The following FZD6 variants were observed in gnomAD, a reference collection of about 807,000 sequenced individuals.
FZD6 encodes frizzled-6.
FZD6 carries 49 observed loss-of-function variants against 61.4 expected under a neutral mutation model. The observed-to-expected ratio is 0.80, with a 90% confidence interval of 0.63 to 1.01. The LOEUF (loss-of-function observed/expected upper bound fraction) is 1.01, where lower values mean the gene tolerates loss of function less well. Ranked by LOEUF, FZD6 falls within the 50% of genes least tolerant of loss-of-function variation. The pLI is 0.00. For missense variants in FZD6, 724 were observed against 848.2 expected, an observed-to-expected ratio of 0.85 and a Z score of 1.82; for synonymous variants, 265 against 292.2, an observed-to-expected ratio of 0.91 and a Z score of 0.95.
rs753526077 is a variant in FZD6 at position 103,329,686 on chromosome 8, G to C, written c.1573G>C (p.Glu525Gln). The change falls in exon 6 of 7, where the codon GAA becomes CAA. Residue 525 changes from glutamate (E) to glutamine (Q), a missense_variant. Transcript: ENST00000358755. Reference sequence around the variant, plus strand: ...CAGTGAAAGTCGAAGAGTACTACAGGAATCATGTGAGTTTTTCTTAAAGCA... The same window carrying C: ...CAGTGAAAGTCGAAGAGTACTACAGCAATCATGTGAGTTTTTCTTAAAGCA... The part of the protein sequence containing the change: ...PISESRRVLQ[E>Q]SCEFFLKHNS... 6.2e-7 allele frequency: 1 copy of C among 1,611,542 alleles called. No homozygotes were observed. Among genetic ancestry groups the C allele is most frequent in the South Asian group, 1.1e-5 (1 of 90,886 alleles).
At position 103,325,241 on chromosome 8, in the gene FZD6, G is replaced by A. The variant is rs1283232121; in HGVS notation, c.1135G>A (p.Val379Met). ...TGTACTCTTGCCACTGTGCCTTTGT[G>A]TGTTTGTTGGGCTCTCTCTTCTTTT... is the stretch of plus-strand genomic sequence containing the variant. ...YFVLLPLCLC[V>M]FVGLSLLLAG... Residue 379 changes from valine to methionine, a missense_variant, in exon 4 of 7, where the codon GTG (valine) becomes ATG (methionine). By Grantham distance (21) the Val-to-Met change is conservative. Coordinates refer to ENST00000358755, the MANE Select transcript of FZD6 (RefSeq NM_003506.4). 6.2e-7 allele frequency: 1 copy of A among 1,614,156 alleles called. No homozygotes were observed. The highest frequency in any genetic ancestry group is 1.7e-5 in the Admixed American group (1 of 60,006).
intron 2 of FZD6, among the ~76,000 whole-genome samples, chr8:103,301,487 T>G (rs1814170324): frequency 2.0e-5 from 3 of 152,286 alleles, no homozygotes; most frequent in African/African-American, 7.2e-5. Context: ...TGATAATATG[T>G]TTTGTAGTGT....
chr8:103,306,494 C>CTTTTTTT (rs71292793), intron 2 of FZD6, among the ~76,000 whole-genome samples: 2 of 65,200 alleles, frequency 3.1e-5, no homozygotes, highest in Non-Finnish European at 5.4e-5. Flanking sequence ...AGGTTCATCA[C>CTTTTTTT]TTTTTTTTTT....
At chr8:103,317,692 G>T (rs1027831280) in intron 2 of FZD6, among the ~76,000 whole-genome samples, 4 of 152,070 alleles carry the variant, frequency 2.6e-5, no homozygotes, top group African/African-American at 9.7e-5. Flanking sequence ...CGGGCGTAGT[G>T]GCATGCGCCT....
rs1323662604 is a variant in FZD6, at chr8:103,332,010, G to GAATT, written c.*502_*505dup. 4 of 154,044 alleles carry GAATT rather than the reference G, an allele frequency of 2.6e-5. No individual in the cohort carries two copies. Among genetic ancestry groups the GAATT allele is most frequent in the African/African-American group, 9.7e-5 (4 of 41,394 alleles). The allele number at this position is 154,044 out of a possible 1,614,324, so 9.5% of individuals were successfully genotyped here. A position where few individuals can be genotyped will look rare whatever the true frequency, so the allele number is the denominator to read the frequency against. ...TTAGCACTTTGGTAGCTTTTACACT[G>GAATT]AATTTCTAAGAAAATTGTAAAATAG... On this transcript the variant is annotated 3_prime_UTR_variant, in exon 7 of 7. Coordinates refer to ENST00000358755, the MANE Select transcript of FZD6 (RefSeq NM_003506.4).
At chr8:103,328,993 ATGAG>A (rs1342460591) in intron 5 of FZD6, among the ~76,000 whole-genome samples, 1 of 129,426 alleles carries the variant, frequency 7.7e-6, no homozygotes, top group African/African-American at 3.1e-5. Flanking sequence ...ATTTATATTT[ATGAG>A]TAATTCATTT....
chr8:103,329,774 T>C lies in FZD6; in HGVS notation c.1661T>C (p.Ile554Thr), dbSNP rs1325234560. Residue 554 changes from isoleucine to threonine, a missense_variant, in exon 6 of 7, where the codon ATT becomes ACT. Transcript: ENST00000358755. ...YKPSSHKLKV[I>T]SKSMGTSTGA... is the part of the protein sequence containing the mutation. ...CCAAGTTCACACAAGCTGAAGGTCA[T>C]TTCCAAATCCATGGGAACCAGCACA... The C allele has an allele frequency of 1.9e-6, 3 of 1,614,154 alleles. No homozygotes were observed. Among genetic ancestry groups the C allele is most frequent in the East Asian group, 2.2e-5 (1 of 44,886 alleles).
At chr8:103,330,148 A>C (rs1815081960) in intron 6 of FZD6, 83 bp downstream of exon 6, 3 of 1,274,772 alleles carry the variant, frequency 2.4e-6, no homozygotes, top group Non-Finnish European at 3.4e-6. Context: ...ACATTTGGAA[A>C]GCATTTTGTG....
intron 2 of FZD6, among the ~76,000 whole-genome samples, chr8:103,306,185 GAAATAGTTTAA>G (rs1814324933): frequency 6.6e-6 from 1 of 152,138 alleles, no homozygotes; most frequent in Admixed American, 6.5e-5. Context: ...TCCCTCACAA[GAAATAGTTTAA>G]AAATAACAAG....
At chr8:103,326,398 G>C (rs1228165148) in intron 4 of FZD6, among the ~76,000 whole-genome samples, 1 of 151,924 alleles carries the variant, frequency 6.6e-6, no homozygotes, top group Non-Finnish European at 1.5e-5. Flanking sequence ...CTTAATAAGA[G>C]GCTGTGTCTT....
intron 2 of FZD6, among the ~76,000 whole-genome samples, chr8:103,307,483 A>G (rs1814371757): frequency 6.6e-6 from 1 of 152,202 alleles, no homozygotes. Flanking sequence ...TTTATATTCT[A>G]GTGGAGGGAA....
chr8:103,324,369 C>T (rs1427306874), intron 3 of FZD6, 112 bp from the exon 4 acceptor site: 3 of 643,058 alleles, frequency 4.7e-6, no homozygotes, highest in Admixed American at 3.0e-5. Context: ...TGTATCTCTT[C>T]CCATCAATCA....
Position 103,324,961 on chromosome 8 carries a change from G to C in FZD6, c.855G>C (p.Leu285Phe). The change falls in exon 4 of 7, where the codon TTG (leucine) becomes TTC (phenylalanine). Residue 285 changes from leucine to phenylalanine, a missense_variant. Physicochemically the swap from Leu to Phe is conservative, Grantham distance 22. Coordinates refer to ENST00000358755, the MANE Select transcript of FZD6 (RefSeq NM_003506.4). Reference protein sequence around the residue: ...LGSQNKACTVLFMLLYFFTMA... With the variant: ...LGSQNKACTVFFMLLYFFTMA... The stretch of plus-strand genomic sequence containing the variant: ...CTCAAAATAAGGCTTGCACCGTTTT[G>C]TTCATGCTTTTGTATTTTTTCACAA... 1 of 1,614,110 alleles carries C rather than the reference G, an allele frequency of 6.2e-7. No homozygotes were observed. The highest frequency in any genetic ancestry group is 8.5e-7 in the Non-Finnish European group (1 of 1,180,006).
rs1815066773 is a variant in FZD6, at chr8:103,329,766, G to A, written c.1653G>A (p.Leu551=). 3.7e-6 allele frequency: 6 copies of A among 1,613,944 alleles called. No individual in the cohort carries two copies. The highest frequency in any genetic ancestry group is 5.1e-6 in the Non-Finnish European group (6 of 1,179,932). Residue 551 remains leucine, a synonymous_variant, in exon 6 of 7, where the codon CTG becomes CTA. Coordinates refer to ENST00000358755, the MANE Select transcript of FZD6 (RefSeq NM_003506.4). ...KKHYKPSSHK[L]KVISKSMGTS... ...ACTATAAACCAAGTTCACACAAGCT[G>A]AAGGTCATTTCCAAATCCATGGGAA...
intron 2 of FZD6, among the ~76,000 whole-genome samples, chr8:103,315,698 T>C (rs1276696470): frequency 6.6e-6 from 1 of 152,200 alleles, no homozygotes; most frequent in African/African-American, 2.4e-5. Flanking sequence ...TTACCTTGAT[T>C]GTGATAATCA....
In FZD6 at chr8:103,324,508, T is replaced by C; in HGVS notation, c.402T>C (p.Pro134=). The C allele has an allele frequency of 6.2e-7, 1 of 1,601,894 alleles. No homozygotes were observed. Residue 134 remains proline, a synonymous_variant, in exon 4 of 7, where the codon CCT becomes CCC. Transcript: ENST00000358755. The part of the protein sequence containing the change: ...DRLQYCDETV[P]VTFDPHTEFL... ...TACAATACTGTGATGAGACTGTTCC[T>C]GTAACTTTTGATCCACACACAGAAT...
rs1298616697 is a variant in FZD6 at position 103,300,270 on chromosome 8, G to A, written c.163G>A (p.Ala55Thr). The A allele has an allele frequency of 3.1e-6, 5 of 1,609,924 alleles. No homozygotes were observed. The highest frequency in any genetic ancestry group is 4.3e-6 in the Non-Finnish European group (5 of 1,176,358). Residue 55 changes from alanine (A) to threonine (T), a missense_variant, in exon 2 of 7, where the codon GCG becomes ACG. Transcript: ENST00000358755. The stretch of plus-strand genomic sequence containing the variant: ...GGGTCATTATGACCAGAGTATTGCC[G>A]CGGTGGAAATGGAGGTGAGTAGTGC... ...LMGHYDQSIA[A>T]VEMEHFLPLA...
intron 2 of FZD6, among the ~76,000 whole-genome samples, chr8:103,305,160 C>T (rs1029778828): frequency 6.6e-6 from 1 of 152,152 alleles, no homozygotes; most frequent in Non-Finnish European, 1.5e-5. Context: ...TGATTTCATC[C>T]AGAAAGAGCT....
In FZD6 at chr8:103,318,692, C is replaced by T. The variant is rs750564903; in HGVS notation, c.280C>T (p.Pro94Ser). 6.2e-7 allele frequency: 1 copy of T among 1,607,520 alleles called. No homozygotes were observed. Among genetic ancestry groups the T allele is most frequent in the Admixed American group, 1.7e-5 (1 of 59,968 alleles). The change falls in exon 3 of 7, where the codon CCT (proline) becomes TCT (serine). Residue 94 changes from proline to serine, a missense_variant. Transcript: ENST00000358755. ...TCIEQIHVVP[P>S]CRKLCEKVYS... ...CATAGAACAAATTCATGTGGTTCCA[C>T]CTTGTCGTAAACTTTGTGAGAAAGT... is the stretch of plus-strand genomic sequence containing the variant.
Sources: gnomAD v4.1 joint callset for allele counts (sites outside exome capture counted in the v4.1 genomes callset) on GRCh38, gnomAD v4.1.1 for gene constraint, MANE v1.5 for transcripts, NCBI Gene and HGNC (gene_info 2026-07-23, HGNC 2026-07-21) for gene names.